Variants in UBTD2 observed in about 807,000 individuals in gnomAD.
UBTD2 encodes the protein ubiquitin domain-containing protein 2.
In UBTD2, 9 loss-of-function variants were observed where a neutral mutation model predicts 19.8. The observed-to-expected ratio is 0.46, with a 90% CI of 0.27 to 0.79. UBTD2 has a LOEUF of 0.79. UBTD2 is among the 30% of genes least tolerant of loss of function. The pLI is 0.14. For missense variants in UBTD2, 250 were observed against 300.4 expected, an observed-to-expected ratio of 0.83 and a Z score of 1.24; for synonymous variants, 98 against 103.9, an observed-to-expected ratio of 0.94 and a Z score of 0.35.
At chr5:172,241,047 G>A (rs1029827885) in intron 1 of UBTD2, among the ~76,000 whole-genome samples, 3 of 140,940 alleles carry the variant, frequency 2.1e-5, no homozygotes, top group African/African-American at 7.9e-5. Context: ...TTTACCATGA[G>A]TTAACTTTTT....
intron 1 of UBTD2, among the ~76,000 whole-genome samples, chr5:172,244,589 C>T (rs1021395899): frequency 3.9e-5 from 6 of 151,928 alleles, no homozygotes; most frequent in East Asian, 1.9e-4. Context: ...TAAGCCACTG[C>T]GCCCGGCCCC....
Position 172,227,693 on chromosome 5 carries a change from T to G in UBTD2, c.307+6429A>C, listed in dbSNP as rs528101006. The stretch of plus-strand genomic sequence containing the variant: ...CCACCATGCCTGGCCAAATGAAAAA[T>G]TCTTTTTTTTTTTTTTTTTTTTTTT... On this transcript the variant is annotated intron_variant, in intron 2 of 2. Coordinates refer to ENST00000393792, the MANE Select transcript of UBTD2 (RefSeq NM_152277.3). Among the ~76,000 whole-genome samples the G allele has an allele frequency of 3.0e-3, 394 of 130,372 alleles. 1 individual carries two copies. Among genetic ancestry groups the G allele is most frequent in the African/African-American group, 0.011 (381 of 33,444 alleles). The allele number at this position is 130,372 out of a possible 152,430, so 85.5% of individuals were successfully genotyped here.
At chr5:172,273,128 A>T (rs548841628) in intron 1 of UBTD2, among the ~76,000 whole-genome samples, 8 of 151,768 alleles carry the variant, frequency 5.3e-5, no homozygotes, top group Admixed American at 5.3e-4. Flanking sequence ...TCCAAAGAAG[A>T]GGCATTATAG....
At chr5:172,230,307 A>T (rs959502037) in intron 2 of UBTD2, among the ~76,000 whole-genome samples, 2 of 152,222 alleles carry the variant, frequency 1.3e-5, no homozygotes, top group Non-Finnish European at 2.9e-5. Flanking sequence ...AGCCTGGGTG[A>T]CAAAAGTGAA....
intron 1 of UBTD2, among the ~76,000 whole-genome samples, chr5:172,260,029 G>C (rs1478336269): frequency 7.9e-5 from 12 of 151,928 alleles, no homozygotes; most frequent in Non-Finnish European, 1.5e-5. Context: ...CTCCAGCCTG[G>C]GTGACAGAGT....
At chr5:172,220,807 G>T (rs1041040101) in intron 2 of UBTD2, among the ~76,000 whole-genome samples, 2 of 152,124 alleles carry the variant, frequency 1.3e-5, no homozygotes, top group African/African-American at 4.8e-5. Context: ...AAGGTATACA[G>T]ATTGGAAAGG....
rs557999865 is a variant in UBTD2 at position 172,283,733 on chromosome 5, G to A, written c.-68C>T. On this transcript the variant is annotated 5_prime_UTR_variant, in exon 1 of 3. Coordinates refer to ENST00000393792, the MANE Select transcript of UBTD2 (RefSeq NM_152277.3). The surrounding 1 kb of genome is among the most constrained non-coding windows in gnomAD (Gnocchi z 4.3). ...CGGGCCCGCCGCCGCCGCCGCTGCA[G>A]CCTCCTCCGGCGCCACCGCCGAGCT... 4.8e-5 allele frequency: 53 copies of A among 1,112,670 alleles called. No individual in the cohort carries two copies. The South Asian group carries it at 7.5e-4, about 16-fold the overall frequency. 68.9% of individuals were successfully genotyped at this position (1,112,670 alleles called of 1,614,324 possible).
At chr5:172,220,407 G>A (rs1771628578) in intron 2 of UBTD2, among the ~76,000 whole-genome samples, 4 of 152,202 alleles carry the variant, frequency 2.6e-5, no homozygotes, top group Admixed American at 6.5e-5. Context: ...AGGCTGAGAC[G>A]GGTGGATCCC....
chr5:172,239,155 T>G (rs79028472), intron 1 of UBTD2, among the ~76,000 whole-genome samples: 1 of 152,286 alleles, frequency 6.6e-6, no homozygotes, highest in African/African-American at 2.4e-5. Flanking sequence ...ATGCAAATCT[T>G]CTCTACTGTT....
chr5:172,249,131 C>T (rs1046296106), intron 1 of UBTD2, among the ~76,000 whole-genome samples: 1 of 152,114 alleles, frequency 6.6e-6, no homozygotes, highest in Non-Finnish European at 1.5e-5. Flanking sequence ...GGTGCAGTGG[C>T]TCACACCTGT....
At chr5:172,275,542 T>G (rs1755590766) in intron 1 of UBTD2, among the ~76,000 whole-genome samples, 1 of 152,240 alleles carries the variant, frequency 6.6e-6, no homozygotes, top group Non-Finnish European at 1.5e-5. Context: ...ACTTACTATG[T>G]GTCAGGCCTG....
chr5:172,236,275 T>C (rs996272744), intron 1 of UBTD2, among the ~76,000 whole-genome samples: 1 of 152,112 alleles, frequency 6.6e-6, no homozygotes, highest in Non-Finnish European at 1.5e-5. Context: ...TCTGAAAGGG[T>C]GAGGAAGCAG....
chr5:172,242,114 T>A (rs1772142740), intron 1 of UBTD2, among the ~76,000 whole-genome samples: 1 of 152,192 alleles, frequency 6.6e-6, no homozygotes, highest in Non-Finnish European at 1.5e-5. Context: ...TGGCTCCCCC[T>A]TTGCCTTCCG....
At chr5:172,265,154 A>G (rs1157854072) in intron 1 of UBTD2, among the ~76,000 whole-genome samples, 1 of 152,178 alleles carries the variant, frequency 6.6e-6, no homozygotes, top group African/African-American at 2.4e-5. Flanking sequence ...CAAACACAAA[A>G]TAAGTAGGAA....
intron 1 of UBTD2, among the ~76,000 whole-genome samples, chr5:172,277,138 T>G (rs1755621348): frequency 6.6e-6 from 1 of 151,750 alleles, no homozygotes; most frequent in African/African-American, 2.4e-5. Flanking sequence ...TATGAATTAC[T>G]TTTGTCAACT....
chr5:172,255,313 T>C (rs1328208270), intron 1 of UBTD2: 6 of 452,908 alleles, frequency 1.3e-5, no homozygotes, highest in South Asian at 5.5e-5. Context: ...ATCAGGCAAT[T>C]GTGTGGAGTA....
intron 1 of UBTD2, among the ~76,000 whole-genome samples, chr5:172,263,851 C>CTGTGTGTGTGTGTGTGTGTGTGTGTGTG (rs111856574): frequency 0.025 from 3,584 of 142,118 alleles, 62 homozygotes; most frequent in Admixed American, 0.051. Flanking sequence ...GCACGTGCCT[C>CTGTGTGTGTGTGTGTGTGTGTGTGTGTG]TGTGTGTGTG....
In UBTD2 at chr5:172,224,208, C is replaced by T. The variant is rs114554225; in HGVS notation, c.307+9914G>A. The stretch of plus-strand genomic sequence containing the variant: ...TAAACCCCACGTACCTAGGGAGAGG[C>T]CTGGTGGGAGGTGACTGGATCACAG... On this transcript the variant is annotated intron_variant, in intron 2 of 2. Coordinates refer to ENST00000393792, the MANE Select transcript of UBTD2 (RefSeq NM_152277.3). 3.2e-3 allele frequency among the ~76,000 whole-genome samples: 493 copies of T among 151,986 alleles called. 2 individuals carry two copies. The highest frequency in any genetic ancestry group is 0.011 in the African/African-American group (471 of 41,442).
At chr5:172,269,033 C>A (rs1755430124) in intron 1 of UBTD2, among the ~76,000 whole-genome samples, 1 of 152,006 alleles carries the variant, frequency 6.6e-6, no homozygotes, top group Non-Finnish European at 1.5e-5. Flanking sequence ...TGTCTATATT[C>A]ACTTTCAAAC....
Sources: gnomAD v4.1 joint callset for allele counts (sites outside exome capture counted in the v4.1 genomes callset) on GRCh38, gnomAD v4.1.1 for gene constraint, Gnocchi (gnomAD v3.1) non-coding constraint, MANE v1.5 for transcripts, NCBI Gene and HGNC (gene_info 2026-07-23, HGNC 2026-07-21) for gene names.